The following MYLK variants were observed in gnomAD, a reference collection of about 807,000 sequenced individuals.
MYLK encodes myosin light chain kinase, smooth muscle.
A neutral mutation model predicts 203.4 loss-of-function variants in MYLK; 106 were observed. That is an observed-to-expected ratio of 0.52 (90% confidence interval 0.45 to 0.61). The LOEUF is 0.61. Ranked by LOEUF, MYLK falls within the 20% of genes least tolerant of loss-of-function variation. The probability of loss-of-function intolerance (pLI) is 0.00; values close to 1 mark genes in which losing one functional copy is unlikely to be tolerated. For synonymous variants in MYLK, 867 were observed against 959.5 expected (o/e 0.90, Z 1.78); for missense variants, 2,072 against 2,442.3 (o/e 0.85, Z 3.20).
At position 123,775,126 on chromosome 3, in the gene MYLK, T is replaced by A. The variant is rs568685838; in HGVS notation, c.165+18551A>T. Among the ~76,000 whole-genome samples the A allele has an allele frequency of 2.6e-5, 4 of 152,254 alleles. No individual in the cohort carries two copies. In the South Asian group the frequency reaches 8.3e-4, roughly 32 times the overall value. The stretch of plus-strand genomic sequence containing the variant: ...GCAGCCTTGAACTCCCGGGCTCAAG[T>A]GATCCTCCCACCTTAGCCTCTCAGT... On this transcript the variant is annotated intron_variant, in intron 4 of 33. Transcript: ENST00000360304.
chr3:123,849,636 T>G (rs1164868603), intron 2 of MYLK, among the ~76,000 whole-genome samples: 1 of 152,206 alleles, frequency 6.6e-6, no homozygotes, highest in Non-Finnish European at 1.5e-5. Context: ...GAAACTGCTA[T>G]AGCAGGCTGG....
At chr3:123,871,242 G>A (rs1420452405) in intron 2 of MYLK, among the ~76,000 whole-genome samples, 1 of 152,062 alleles carries the variant, frequency 6.6e-6, no homozygotes, top group African/African-American at 2.4e-5. Flanking sequence ...AAAGAAGAAA[G>A]GTCTCAAATC....
chr3:123,876,938 A>C (rs1353113853), intron 1 of MYLK, among the ~76,000 whole-genome samples: 2 of 152,182 alleles, frequency 1.3e-5, no homozygotes, highest in Non-Finnish European at 2.9e-5. Context: ...ACATACCATA[A>C]TAATTTATGA....
At chr3:123,774,026 C>A (rs2063974431) in intron 4 of MYLK, among the ~76,000 whole-genome samples, 1 of 152,166 alleles carries the variant, frequency 6.6e-6, no homozygotes, top group Non-Finnish European at 1.5e-5. Flanking sequence ...GGTCCTGGGG[C>A]TGAGCTCAGT....
At chr3:123,820,636 TTCCTTCCC>T (rs1159399713) in intron 3 of MYLK, among the ~76,000 whole-genome samples, 46 of 123,924 alleles carry the variant, frequency 3.7e-4, no homozygotes, top group East Asian at 1.2e-3. Context: ...CCTTCCTTCC[TTCCTTCCC>T]TCCTTCCTTC....
intron 2 of MYLK, among the ~76,000 whole-genome samples, chr3:123,832,920 C>T (rs1220173672): frequency 1.3e-5 from 2 of 152,128 alleles, no homozygotes; most frequent in African/African-American, 4.8e-5. Flanking sequence ...TGAAAACGTC[C>T]TTACACAATC....
At chr3:123,770,117 G>T (rs1228412197) in intron 4 of MYLK, among the ~76,000 whole-genome samples, 2 of 149,560 alleles carry the variant, frequency 1.3e-5, no homozygotes, top group African/African-American at 5.0e-5. Context: ...TCGAGACGAG[G>T]CTGACCAACA....
chr3:123,750,985 G>A (rs1022264557), intron 5 of MYLK, among the ~76,000 whole-genome samples: 1 of 152,224 alleles, frequency 6.6e-6, no homozygotes, highest in Non-Finnish European at 1.5e-5. Context: ...GGGAGACAGG[G>A]AAAACAGGGC....
intron 4 of MYLK, among the ~76,000 whole-genome samples, chr3:123,790,671 T>C (rs2064744888): frequency 6.6e-6 from 1 of 152,214 alleles, no homozygotes; most frequent in South Asian, 2.1e-4. Flanking sequence ...GTTCTTAACG[T>C]CTTACGAGAA....
At chr3:123,673,124 G>A (rs1271104936) in intron 20 of MYLK, among the ~76,000 whole-genome samples, 1 of 150,912 alleles carries the variant, frequency 6.6e-6, no homozygotes, top group Non-Finnish European at 1.5e-5. Context: ...TGTAAGGGAA[G>A]TATAGCATAT....
rs757524646 is a variant in MYLK, at chr3:123,708,742, T to C, written c.2096A>G (p.Asn699Ser). The stretch of plus-strand genomic sequence containing the variant: ...CTGGGTGCGGACCTCTCCAGCGCTG[T>C]TCCAGGCCTCGCAGGTGTACGTGCC... ...DTGTYTCEAW[N>S]SAGEVRTQAV... is the part of the protein sequence containing the mutation. Residue 699 changes from asparagine to serine, a missense_variant, in exon 15 of 34, where the codon AAC becomes AGC. Coordinates refer to ENST00000360304, the MANE Select transcript of MYLK (RefSeq NM_053025.4). 33 of 1,614,082 alleles carry C rather than the reference T, an allele frequency of 2.0e-5. No homozygotes were observed. The highest frequency in any genetic ancestry group is 1.3e-4 in the Admixed American group (8 of 60,024).
chr3:123,826,274 C>T (rs144763455), intron 3 of MYLK, among the ~76,000 whole-genome samples: 64 of 152,342 alleles, frequency 4.2e-4, no homozygotes, highest in Middle Eastern at 6.8e-3. Flanking sequence ...AGGCATGCCA[C>T]CACACCAGTT....
chr3:123,831,707 A>C (rs2066333803), intron 2 of MYLK, 37 bp from the exon 3 acceptor site: 1 of 254,072 alleles, frequency 3.9e-6, no homozygotes, highest in African/African-American at 2.2e-5. Flanking sequence ...AAGCCAAATC[A>C]GAGACAGACA....
At chr3:123,855,921 A>T (rs1487830406) in intron 2 of MYLK, among the ~76,000 whole-genome samples, 3 of 152,178 alleles carry the variant, frequency 2.0e-5, no homozygotes, top group African/African-American at 7.2e-5. Context: ...CTTTGTCAGG[A>T]ATTTTAAAGA....
chr3:123,735,483 C>T, intron 8 of MYLK, 67 bp from the exon 9 acceptor site: 2 of 1,579,790 alleles, frequency 1.3e-6, no homozygotes, highest in Admixed American at 1.7e-5. Context: ...TTTCCCTCCC[C>T]AGGCACTTCC....
chr3:123,839,833 G>A (rs2066550444), intron 2 of MYLK, among the ~76,000 whole-genome samples: 1 of 152,086 alleles, frequency 6.6e-6, no homozygotes, highest in African/African-American at 2.4e-5. Context: ...AAAGAAGTGA[G>A]ACCACATAGA....
chr3:123,871,498 C>T (rs1382154949), intron 2 of MYLK, among the ~76,000 whole-genome samples: 1 of 152,098 alleles, frequency 6.6e-6, no homozygotes, highest in Non-Finnish European at 1.5e-5. Flanking sequence ...GACATTACTA[C>T]AATTCCTAAA....
Position 123,722,242 on chromosome 3 carries a change from C to T in MYLK, c.1690G>A (p.Gly564Ser), listed in dbSNP as rs1275836800. Residue 564 changes from glycine to serine, a missense_variant, in exon 13 of 34, where the codon GGC (glycine) becomes AGC (serine). Physicochemically the swap from Gly to Ser is moderately conservative, Grantham distance 56. Around this residue, in one of 3 missense-constraint regions of MYLK, gnomAD observed 865 missense variants for 1,016.0 expected, o/e 0.85. Transcript: ENST00000360304. ...IQYARSTCEA[G>S]VAELHIQDAL... Reference sequence around the variant, plus strand: ...TCCTGGATGTGGAGCTCAGCCACGCCGGCCTCGCAGGTGGAGCGAGCGTAC... The same window carrying T: ...TCCTGGATGTGGAGCTCAGCCACGCTGGCCTCGCAGGTGGAGCGAGCGTAC... 1.2e-5 allele frequency: 19 copies of T among 1,566,598 alleles called. No individual in the cohort carries two copies. The highest frequency in any genetic ancestry group is 3.7e-5 in the Admixed American group (2 of 53,418).
chr3:123,845,782 T>C (rs986687243), intron 2 of MYLK, among the ~76,000 whole-genome samples: 1 of 152,144 alleles, frequency 6.6e-6, no homozygotes, highest in Admixed American at 6.6e-5. Context: ...GCCTCCCAAA[T>C]AGCTAGGACT....
Sources: gnomAD v4.1 joint callset for allele counts (sites outside exome capture counted in the v4.1 genomes callset) on GRCh38, gnomAD v4.1.1 for gene constraint, gnomAD v4.1.1 regional missense constraint, MANE v1.5 for transcripts, NCBI Gene and HGNC (gene_info 2026-07-23, HGNC 2026-07-21) for gene names.